The following FLOT1 variants were observed in gnomAD, a reference collection of about 807,000 sequenced individuals.
FLOT1 encodes flotillin-1.
FLOT1 carries 40 observed loss-of-function variants against 58.4 expected under a neutral mutation model. The observed-to-expected ratio is 0.69, with a 90% CI of 0.53 to 0.89. FLOT1 has a LOEUF of 0.89. Among genes scored for constraint, FLOT1 ranks in the 40% least tolerant of loss-of-function variants. FLOT1 has a pLI of 0.00. For synonymous variants in FLOT1, 178 were observed against 204.2 expected (o/e 0.87, Z 1.09); for missense variants, 423 against 540.8 (o/e 0.78, Z 2.16).
chr6:30,730,438 TTC>T lies in FLOT1; in HGVS notation c.1077_1078del (p.Lys360AlafsTer17). 1 of 1,571,080 alleles carries T rather than the reference TTC, an allele frequency of 6.4e-7. No individual in the cohort carries two copies. Among genetic ancestry groups the T allele is most frequent in the Non-Finnish European group, 8.6e-7 (1 of 1,156,736 alleles). On this transcript the variant is annotated frameshift_variant, in exon 11 of 13. Coordinates refer to ENST00000376389, the MANE Select transcript of FLOT1 (RefSeq NM_005803.4). LOFTEE classifies it high-confidence loss of function. ...ACATGACCTCCAGACCTGGGGCAGCTTCTCTAGCAGCATGTCCAGCTGAGCAG... is the reference window on the plus strand; with the variant it reads ...ACATGACCTCCAGACCTGGGGCAGCTTCTAGCAGCATGTCCAGCTGAGCAG...
In FLOT1 at chr6:30,741,938, G is replaced by T; in HGVS notation, c.44-71C>A. On this transcript the variant is annotated intron_variant, in intron 2 of 12. Coordinates refer to ENST00000376389, the MANE Select transcript of FLOT1 (RefSeq NM_005803.4). This position sits in a 1 kb window ranked among gnomAD's most constrained non-coding sequence, Gnocchi z 5.9. The stretch of plus-strand genomic sequence containing the variant: ...GGAAGACTGAGGAACTGGCGGGGGT[G>T]AGGGGACAGCAACCCACAGGAGAGA... 7.0e-7 allele frequency: 1 copy of T among 1,425,042 alleles called. No individual in the cohort carries two copies. The highest frequency in any genetic ancestry group is 9.9e-7 in the Non-Finnish European group (1 of 1,014,416). 88.3% of individuals were successfully genotyped at this position (1,425,042 alleles called of 1,614,324 possible).
intron 10 of FLOT1, 30 bp downstream of exon 10, chr6:30,730,652 A>C: frequency 6.2e-7 from 1 of 1,613,768 alleles, no homozygotes; most frequent in Non-Finnish European, 8.5e-7. Context: ...CCCTCTCCAC[A>C]AGCCAGCATG....
At chr6:30,739,654 C>A (rs1469867282) in intron 8 of FLOT1, among the ~76,000 whole-genome samples, 3 of 151,680 alleles carry the variant, frequency 2.0e-5, no homozygotes, top group Non-Finnish European at 4.4e-5. Context: ...AGGCATGAGC[C>A]ACCGCGCGTG....
rs530543718 is a variant in FLOT1, at chr6:30,741,583, G to C, written c.210+31C>G. On this transcript the variant is annotated intron_variant, in intron 4 of 12. Transcript: ENST00000376389. This position sits in a 1 kb window ranked among gnomAD's most constrained non-coding sequence, Gnocchi z 5.9. Reference sequence around the variant, plus strand: ...TGGGAGAGAGGGTGATGGGGAAGTGGACTGTGGGGAAAAGGCTCTGAAAGC... The same window carrying C: ...TGGGAGAGAGGGTGATGGGGAAGTGCACTGTGGGGAAAAGGCTCTGAAAGC... 6.6e-7 allele frequency: 1 copy of C among 1,511,338 alleles called. No individual in the cohort carries two copies. Among genetic ancestry groups the C allele is most frequent in the African/African-American group, 1.4e-5 (1 of 72,918 alleles). The allele number at this position is 1,511,338 out of a possible 1,614,324, so 93.6% of individuals were successfully genotyped here. A position where few individuals can be genotyped will look rare whatever the true frequency, so the allele number is the denominator to read the frequency against.
chr6:30,738,356 C>T (rs1777735005), intron 8 of FLOT1, among the ~76,000 whole-genome samples: 1 of 152,176 alleles, frequency 6.6e-6, no homozygotes, highest in Admixed American at 6.5e-5. Flanking sequence ...TTTTTACCTT[C>T]ATTATGCTTT....
At chr6:30,734,046 GAAAAAAAA>G (rs796499603) in intron 8 of FLOT1, among the ~76,000 whole-genome samples, 35 of 48,778 alleles carry the variant, frequency 7.2e-4, no homozygotes, top group African/African-American at 1.3e-3. Context: ...CCCTGTCTCT[GAAAAAAAA>G]AAAAAAAAAA....
chr6:30,728,644 AT>A (rs1428967506), intron 12 of FLOT1, among the ~76,000 whole-genome samples: 1 of 149,050 alleles, frequency 6.7e-6, no homozygotes, highest in Non-Finnish European at 1.5e-5. Context: ...TAATTTTTGT[AT>A]TTTTGGTAGA....
At chr6:30,739,379 T>TC (rs9281027) in intron 8 of FLOT1, among the ~76,000 whole-genome samples, 4 of 151,946 alleles carry the variant, frequency 2.6e-5, no homozygotes, top group African/African-American at 9.7e-5. Flanking sequence ...TTTTTTTTTT[T>TC]CTTTTTTTGA....
At chr6:30,728,459 A>T (rs1776894745) in intron 12 of FLOT1, among the ~76,000 whole-genome samples, 1 of 149,334 alleles carries the variant, frequency 6.7e-6, no homozygotes, top group Non-Finnish European at 1.5e-5. Context: ...TTTTATTTAC[A>T]TACGCTTTTT....
intron 8 of FLOT1, among the ~76,000 whole-genome samples, chr6:30,735,644 AACAT>A (rs1326912636): frequency 1.4e-4 from 21 of 152,074 alleles, no homozygotes; most frequent in African/African-American, 4.8e-4. Context: ...TCTCAAAAAA[AACAT>A]AAATAAAATA....
rs1778013175 is a variant in FLOT1, at chr6:30,741,858, C to G, written c.53G>C (p.Arg18Pro). ...TCCAGCCACCATGACTGGGGGGCTT[C>G]GGCAGAACCCTGCAAGGTGTGGGGC... ...NEAMVVSGFC[R>P]SPPVMVAGGR... is the part of the protein sequence containing the mutation. The change falls in exon 3 of 13, where the codon CGA becomes CCA. Residue 18 changes from arginine (R) to proline (P), a missense_variant. Transcript: ENST00000376389. This position sits in a 1 kb window ranked among gnomAD's most constrained non-coding sequence, Gnocchi z 5.9. 3.1e-6 allele frequency: 5 copies of G among 1,612,464 alleles called. No homozygotes were observed. The highest frequency in any genetic ancestry group is 4.2e-6 in the Non-Finnish European group (5 of 1,179,982).
chr6:30,732,871 G>A (rs1403329748), intron 8 of FLOT1, among the ~76,000 whole-genome samples: 1 of 152,018 alleles, frequency 6.6e-6, no homozygotes, highest in Non-Finnish European at 1.5e-5. Flanking sequence ...CCTCTACACC[G>A]GTGTGCAGGA....
chr6:30,738,597 T>TATA (rs1777749292), intron 8 of FLOT1, among the ~76,000 whole-genome samples: 2 of 152,346 alleles, frequency 1.3e-5, no homozygotes, highest in South Asian at 2.1e-4. Flanking sequence ...AGCCTTGCTT[T>TATA]ATATGTGTTT....
intron 8 of FLOT1, among the ~76,000 whole-genome samples, 168 bp downstream of exon 8, chr6:30,739,990 A>T (rs564055463): frequency 6.6e-6 from 1 of 152,188 alleles, no homozygotes; most frequent in Non-Finnish European, 1.5e-5. Flanking sequence ...TTTCAGCTGT[A>T]ACGTCTGAGT....
Position 30,742,306 on chromosome 6 carries a change from T to A in FLOT1, c.-14-103A>T. The A allele has an allele frequency of 1.0e-6, 1 of 972,126 alleles. No homozygotes were observed. Among genetic ancestry groups the A allele is most frequent in the Non-Finnish European group, 1.7e-6 (1 of 603,856 alleles). The allele number at this position is 972,126 out of a possible 1,614,324, so 60.2% of individuals were successfully genotyped here. A position where few individuals can be genotyped will look rare whatever the true frequency, so the allele number is the denominator to read the frequency against. ...TCCCGTCAGGCCCTCCCAGTCTGCA[T>A]CCGCCACGGCCCGTCCCTTCTACAC... On this transcript the variant is annotated intron_variant, in intron 1 of 12. Coordinates refer to ENST00000376389, the MANE Select transcript of FLOT1 (RefSeq NM_005803.4). The surrounding 1 kb of genome is among the most constrained non-coding windows in gnomAD (Gnocchi z 5.2).
chr6:30,727,943 GC>G lies in FLOT1; in HGVS notation c.*172del. On this transcript the variant is annotated 3_prime_UTR_variant, in exon 13 of 13. Transcript: ENST00000376389. ...TGGCAATCATAGCAGTGTGAGGTTG[GC>G]AAGGGGAGCAACCCCCTTCAAGACA... 1 of 673,938 alleles carries G rather than the reference GC, an allele frequency of 1.5e-6. No homozygotes were observed. The highest frequency in any genetic ancestry group is 2.7e-6 in the Non-Finnish European group (1 of 370,624). 41.7% of individuals were successfully genotyped at this position (673,938 alleles called of 1,614,324 possible). A position where few individuals can be genotyped will look rare whatever the true frequency, so the allele number is the denominator to read the frequency against.
At position 30,741,867 on chromosome 6, in the gene FLOT1, C is replaced by A; in HGVS notation, c.44G>T (p.Gly15Val). ...CGPNEAMVVS[G>V]FCRSPPVMVA... The stretch of plus-strand genomic sequence containing the variant: ...CATGACTGGGGGGCTTCGGCAGAAC[C>A]CTGCAAGGTGTGGGGCAGTGAGGAA... Residue 15 changes from glycine (G) to valine (V), a missense_variant and splice_region_variant, in exon 3 of 13, where the codon GGG becomes GTG. Gly to Val is a moderately radical substitution (Grantham distance 109). Transcript: ENST00000376389. This position sits in a 1 kb window ranked among gnomAD's most constrained non-coding sequence, Gnocchi z 5.9. The A allele has an allele frequency of 6.2e-7, 1 of 1,612,328 alleles. No homozygotes were observed. Among genetic ancestry groups the A allele is most frequent in the Non-Finnish European group, 8.5e-7 (1 of 1,179,948 alleles).
At chr6:30,739,114 C>T (rs1410475027) in intron 8 of FLOT1, among the ~76,000 whole-genome samples, 1 of 152,208 alleles carries the variant, frequency 6.6e-6, no homozygotes, top group East Asian at 1.9e-4. Context: ...GATTCAATGT[C>T]CAAGTCCATG....
At chr6:30,740,117 A>T in intron 8 of FLOT1, 41 bp downstream of exon 8, 1 of 1,601,706 alleles carries the variant, frequency 6.2e-7, no homozygotes, top group Non-Finnish European at 8.5e-7. Flanking sequence ...GCCTGAGAGG[A>T]ATGGGGAAGG....
Sources: allele counts gnomAD v4.1 joint callset (sites outside exome capture counted in the v4.1 genomes callset), GRCh38; gene constraint gnomAD v4.1.1; non-coding constraint Gnocchi (gnomAD v3.1); transcripts MANE v1.5; gene names NCBI Gene and HGNC (gene_info 2026-07-23, HGNC 2026-07-21).